Variants in CHEK1 observed in about 807,000 individuals in gnomAD.
CHEK1 encodes the protein checkpoint kinase 1.
In CHEK1, 32 loss-of-function variants were observed where a neutral mutation model predicts 60.2. The ratio of observed to expected loss-of-function variants is 0.53; its 90% CI spans 0.40 to 0.71. The LOEUF is 0.71. CHEK1 is among the 30% of genes least tolerant of loss of function. The probability of loss-of-function intolerance (pLI) is 0.00; values close to 1 mark genes in which losing one functional copy is unlikely to be tolerated. For missense variants in CHEK1, 399 were observed against 564.6 expected (o/e 0.71, Z 2.97); for synonymous variants, 179 against 187.2 (o/e 0.96, Z 0.36).
chr11:125,666,098 TA>T (rs1942094245), intron 13 of CHEK1, among the ~76,000 whole-genome samples: 1 of 151,452 alleles, frequency 6.6e-6, no homozygotes, highest in East Asian at 1.9e-4. Flanking sequence ...TTAGGTTGTT[TA>T]TTTTTTTTCT....
intron 5 of CHEK1, 134 bp downstream of exon 5, chr11:125,629,594 G>T (rs1940780667): frequency 1.5e-6 from 1 of 663,142 alleles, no homozygotes; most frequent in African/African-American, 1.8e-5. Context: ...TTCAAGACAA[G>T]ATCTGAAAAA....
At chr11:125,662,680 C>G (rs1355212559) in intron 13 of CHEK1, among the ~76,000 whole-genome samples, 3 of 152,218 alleles carry the variant, frequency 2.0e-5, no homozygotes, top group Non-Finnish European at 4.4e-5. Context: ...GTGACTAAAG[C>G]TGCTATAAAT....
At chr11:125,637,858 T>G (rs527412811) in intron 8 of CHEK1, among the ~76,000 whole-genome samples, 2 of 152,326 alleles carry the variant, frequency 1.3e-5, no homozygotes, top group East Asian at 3.9e-4. Flanking sequence ...CAGATTTGAT[T>G]CTGAACAGGG....
chr11:125,650,553 T>G (rs1371121134), intron 11 of CHEK1, among the ~76,000 whole-genome samples: 1 of 150,648 alleles, frequency 6.6e-6, no homozygotes, highest in Non-Finnish European at 1.5e-5. Flanking sequence ...ACCTCCTGGC[T>G]TCAAGTGAGT....
At position 125,630,385 on chromosome 11, in the gene CHEK1, A is replaced by T. The variant is rs1940817565; in HGVS notation, c.424+925A>T. Among the ~76,000 whole-genome samples the T allele has an allele frequency of 2.0e-5, 3 of 150,908 alleles. No homozygotes were observed. The South Asian group carries it at 6.3e-4, about 32-fold the overall frequency. ...GAGTGTAGTGACATGATCTCGGCTC[A>T]CTGTAACCTCTACCTCTCTGGTTCA... is the stretch of plus-strand genomic sequence containing the variant. On this transcript the variant is annotated intron_variant, in intron 5 of 12. Transcript: ENST00000438015.
chr11:125,676,189 T>A, exon 14 of CHEK1: 1 of 825,490 alleles, frequency 1.2e-6, no homozygotes, highest in Non-Finnish European at 1.8e-6. Context: ...ATTTTAGGTG[T>A]GAGCCACCTC....
downstream of CHEK1, among the ~76,000 whole-genome samples, chr11:125,661,301 T>A (rs527453877): frequency 6.6e-6 from 1 of 151,860 alleles, no homozygotes; most frequent in African/African-American, 2.4e-5. Context: ...CCTTAAAAAA[T>A]TTTTTTTCTT....
chr11:125,647,309 T>A (rs1420763828), intron 11 of CHEK1, among the ~76,000 whole-genome samples: 1 of 152,098 alleles, frequency 6.6e-6, no homozygotes, highest in Non-Finnish European at 1.5e-5. Flanking sequence ...GATGTATGGG[T>A]TTATTTCTGG....
chr11:125,679,799 G>A (rs1942713914), downstream of CHEK1, among the ~76,000 whole-genome samples: 1 of 152,182 alleles, frequency 6.6e-6, no homozygotes, highest in Non-Finnish European at 1.5e-5. Flanking sequence ...TACAATCAGT[G>A]ACTTTCTAAA....
intron 9 of CHEK1, 31 bp from the exon 10 acceptor site, chr11:125,644,060 A>G: frequency 6.3e-7 from 1 of 1,594,998 alleles, no homozygotes; most frequent in Non-Finnish European, 8.5e-7. Context: ...ATTTTATTAA[A>G]TGTATGTTTC....
chr11:125,648,849 C>T lies in CHEK1; in HGVS notation c.1233+4206C>T, dbSNP rs187827943. On this transcript the variant is annotated intron_variant, in intron 11 of 12. Coordinates refer to ENST00000438015, the MANE Select transcript of CHEK1 (RefSeq NM_001114122.3). Reference sequence around the variant, plus strand: ...ATTGGATTTTGTCAAATGTTTTCTCCGTCTATTGAGATAATCATGTGGATT... The same window carrying T: ...ATTGGATTTTGTCAAATGTTTTCTCTGTCTATTGAGATAATCATGTGGATT... Among the ~76,000 whole-genome samples, 12 of 151,962 alleles carry T rather than the reference C, an allele frequency of 7.9e-5. 1 individual carries two copies. The highest frequency in any genetic ancestry group is 3.3e-4 in the Admixed American group (5 of 15,256).
chr11:125,666,427 T>C (rs1168456306), intron 13 of CHEK1, among the ~76,000 whole-genome samples: 1 of 152,182 alleles, frequency 6.6e-6, no homozygotes, highest in Non-Finnish European at 1.5e-5. Flanking sequence ...TCTCATATGG[T>C]CTGACTTGAA....
At chr11:125,652,378 C>T (rs1338217541) in intron 11 of CHEK1, among the ~76,000 whole-genome samples, 1 of 152,184 alleles carries the variant, frequency 6.6e-6, no homozygotes, top group Non-Finnish European at 1.5e-5. Context: ...CCTCTCAAGA[C>T]CTTTGCCATC....
chr11:125,627,614 C>G lies in CHEK1; in HGVS notation c.73C>G (p.Leu25Val). ...LGEGAYGEVQ[L>V]AVNRVTEEAV... ...AACTCTTTTCCTTTTTAGAGTTCAACTTGCTGTGAATAGAGTAACTGAAGA... is the reference window on the plus strand; with the variant it reads ...AACTCTTTTCCTTTTTAGAGTTCAAGTTGCTGTGAATAGAGTAACTGAAGA... Residue 25 changes from leucine (L) to valine (V), a missense_variant, in exon 3 of 13, where the codon CTT becomes GTT. Leu to Val is a conservative substitution (Grantham distance 32). Around this residue, in one of 2 missense-constraint regions of CHEK1, gnomAD observed 370 missense variants for 494.8 expected, o/e 0.75. Transcript: ENST00000438015. The G allele has an allele frequency of 1.2e-6, 2 of 1,608,548 alleles. No individual in the cohort carries two copies. The highest frequency in any genetic ancestry group is 1.1e-5 in the South Asian group (1 of 89,664).
chr11:125,668,282 A>G (rs1269502197), intron 13 of CHEK1, among the ~76,000 whole-genome samples: 1 of 152,120 alleles, frequency 6.6e-6, no homozygotes, highest in Non-Finnish European at 1.5e-5. Flanking sequence ...CTCGATGTTT[A>G]TATTTCTTGA....
At chr11:125,651,386 C>T (rs1312598932) in intron 11 of CHEK1, among the ~76,000 whole-genome samples, 1 of 148,918 alleles carries the variant, frequency 6.7e-6, no homozygotes, top group Non-Finnish European at 1.5e-5. Flanking sequence ...ATCCCGGGTT[C>T]AAGCGATTCT....
chr11:125,629,940 T>C (rs1166310507), intron 5 of CHEK1, among the ~76,000 whole-genome samples: 1 of 151,908 alleles, frequency 6.6e-6, no homozygotes, highest in African/African-American at 2.4e-5. Context: ...CTCAGGCTAG[T>C]CTTGAACTCC....
chr11:125,670,154 T>C (rs1345809010), intron 13 of CHEK1, among the ~76,000 whole-genome samples: 1 of 152,236 alleles, frequency 6.6e-6, no homozygotes, highest in African/African-American at 2.4e-5. Context: ...ATTGCACTTC[T>C]TAGTACAGTA....
intron 7 of CHEK1, among the ~76,000 whole-genome samples, chr11:125,636,607 T>C (rs2136001242): frequency 6.6e-6 from 1 of 152,224 alleles, no homozygotes; most frequent in South Asian, 2.1e-4. Context: ...TAGTTTTTCA[T>C]TTTTATTTTA....
Sources: gnomAD v4.1 joint callset for allele counts (sites outside exome capture counted in the v4.1 genomes callset) on GRCh38, gnomAD v4.1.1 for gene constraint, gnomAD v4.1.1 regional missense constraint, MANE v1.5 for transcripts, NCBI Gene and HGNC (gene_info 2026-07-23, HGNC 2026-07-21) for gene names.